Variants in NAV1 observed in about 807,000 individuals in gnomAD.
NAV1 encodes neuron navigator 1.
In NAV1, 18 loss-of-function variants were observed where a neutral mutation model predicts 175.2. The ratio of observed to expected loss-of-function variants is 0.10; its 90% confidence interval spans 0.07 to 0.15. The LOEUF is 0.15. NAV1 is among the 10% of genes least tolerant of loss of function. The pLI, the probability that NAV1 is intolerant of heterozygous loss-of-function variation, is 1.00. For missense variants in NAV1, 1,731 were observed against 2,436.6 expected (o/e 0.71, Z 6.10); for synonymous variants, 897 against 978.7 (o/e 0.92, Z 1.56).
intron 1 of NAV1, among the ~76,000 whole-genome samples, chr1:201,625,206 T>C (rs528464757): frequency 6.6e-6 from 1 of 152,236 alleles, no homozygotes; most frequent in African/African-American, 2.4e-5. Flanking sequence ...ACTGAAGAAG[T>C]TTGCTTTGGA....
intron 2 of NAV1, among the ~76,000 whole-genome samples, chr1:201,600,325 G>A (rs1333032422): frequency 6.6e-6 from 1 of 152,178 alleles, no homozygotes; most frequent in Admixed American, 6.5e-5. Flanking sequence ...ATCCTGCTCT[G>A]AACCAAAAGT....
At position 201,765,939 on chromosome 1, in the gene NAV1, A is replaced by C. The variant is rs187423932; in HGVS notation, c.1227-14482A>C. On this transcript the variant is annotated intron_variant, in intron 3 of 29. Transcript: ENST00000367296. Reference sequence around the variant, plus strand: ...TAGCTTCAGCATTTGAGAATTGAACAAATTAATCAGATAGTTCTGTGATTG... The same window carrying C: ...TAGCTTCAGCATTTGAGAATTGAACCAATTAATCAGATAGTTCTGTGATTG... Among the ~76,000 whole-genome samples, 684 of 152,358 alleles carry C rather than the reference A, an allele frequency of 4.5e-3. 6 individuals are homozygous for C. The highest frequency in any genetic ancestry group is 0.016 in the African/African-American group (648 of 41,588).
At chr1:201,621,854 A>G (rs1332907422), upstream of NAV1, among the ~76,000 whole-genome samples, 1 of 152,038 alleles carries the variant, frequency 6.6e-6, no homozygotes. Flanking sequence ...TTAACCTTTA[A>G]CTCTTTAATC....
At chr1:201,598,667 A>T (rs2102227471) in intron 2 of NAV1, among the ~76,000 whole-genome samples, 1 of 152,318 alleles carries the variant, frequency 6.6e-6, no homozygotes, top group East Asian at 1.9e-4. Context: ...CACTCTCCAA[A>T]CCTCAAGTTC....
rs775966353 is a variant in NAV1 at position 201,788,574 on chromosome 1, G to A, written c.3102G>A (p.Leu1034=). 6.2e-7 allele frequency: 1 copy of A among 1,614,130 alleles called. No homozygotes were observed. The highest frequency in any genetic ancestry group is 2.2e-5 in the East Asian group (1 of 44,890). Residue 1034 remains leucine (L), a synonymous_variant, in exon 10 of 30, where the codon CTG becomes CTA. Transcript: ENST00000367296. This position sits in a 1 kb window ranked among gnomAD's most constrained non-coding sequence, Gnocchi z 5.7. Reference sequence around the variant, plus strand: ...GCGGCTCCCAAATGGGGAGCACCCTGTCCCTGGCCGAGAGACCCAAGGGAA... The same window carrying A: ...GCGGCTCCCAAATGGGGAGCACCCTATCCCTGGCCGAGAGACCCAAGGGAA...
chr1:201,561,570 G>T (rs1666200726), intron 1 of NAV1, among the ~76,000 whole-genome samples: 1 of 152,170 alleles, frequency 6.6e-6, no homozygotes, highest in Non-Finnish European at 1.5e-5. Flanking sequence ...ATAAAAGTTA[G>T]TTTCCTTCAC....
chr1:201,648,637 C>T, exon 1 of NAV1: 2 of 1,300,776 alleles, frequency 1.5e-6, no homozygotes, highest in Non-Finnish European at 9.7e-7. Flanking sequence ...CCTGCAGACG[C>T]GCGGATCGTC....
intron 1 of NAV1, among the ~76,000 whole-genome samples, chr1:201,624,581 C>T (rs1213704046): frequency 4.6e-5 from 7 of 151,970 alleles, no homozygotes; most frequent in African/African-American, 1.4e-4. Context: ...CTCCTGACCT[C>T]GTGATCCGCC....
rs183141313 is a variant in NAV1 at position 201,720,546 on chromosome 1, G to A, written c.1226+1791G>A. On this transcript the variant is annotated intron_variant, in intron 3 of 29. Transcript: ENST00000367296. ...ACCCCAAGTGTTGCAAGGTACAGGA[G>A]CCCTGCTTGGAGACGTCGCAGTCTG... Among the ~76,000 whole-genome samples, 740 of 152,344 alleles carry A rather than the reference G, an allele frequency of 4.9e-3. 7 individuals carry two copies. The highest frequency in any genetic ancestry group is 0.017 in the African/African-American group (690 of 41,574).
At chr1:201,791,294 T>A (rs1262032559) in intron 13 of NAV1, 1 of 154,700 alleles carries the variant, frequency 6.5e-6, no homozygotes, top group Non-Finnish European at 1.4e-5. Flanking sequence ...AACTGCCTTT[T>A]CTGAGCAGTC....
intron 3 of NAV1, among the ~76,000 whole-genome samples, chr1:201,755,448 G>C (rs1674395468): frequency 6.6e-6 from 1 of 151,790 alleles, no homozygotes; most frequent in Admixed American, 6.5e-5. Context: ...AGAAGAAGAG[G>C]AGGAGGAGGA....
chr1:201,736,578 G>C (rs998932659), intron 3 of NAV1, among the ~76,000 whole-genome samples: 1 of 152,154 alleles, frequency 6.6e-6, no homozygotes, highest in African/African-American at 2.4e-5. Flanking sequence ...GGTGTGGGAA[G>C]GAAGAGAGAA....
chr1:201,619,487 G>T (rs72739963), upstream of NAV1, among the ~76,000 whole-genome samples: 1,752 of 152,374 alleles, frequency 0.011, 12 homozygotes, highest in Non-Finnish European at 0.02. Context: ...GATGGTCTAG[G>T]GTGCATAATT....
At chr1:201,715,890 TC>T (rs1270074974) in intron 2 of NAV1, among the ~76,000 whole-genome samples, 2 of 152,072 alleles carry the variant, frequency 1.3e-5, no homozygotes, top group Non-Finnish European at 2.9e-5. Context: ...AACTGTGTCC[TC>T]CCCAGAGAAA....
chr1:201,741,458 A>G (rs1673417288), intron 3 of NAV1, among the ~76,000 whole-genome samples: 1 of 152,156 alleles, frequency 6.6e-6, no homozygotes, highest in African/African-American at 2.4e-5. Context: ...ACTTCAGGTG[A>G]GATCCTGGGC....
At chr1:201,672,299 T>C (rs1670072002) in intron 1 of NAV1, among the ~76,000 whole-genome samples, 1 of 152,124 alleles carries the variant, frequency 6.6e-6, no homozygotes, top group South Asian at 2.1e-4. Context: ...TGTGGTCTAA[T>C]TTTTTTTCAA....
chr1:201,783,982 T>G, intron 7 of NAV1, 130 bp downstream of exon 11: 1 of 788,402 alleles, frequency 1.3e-6, no homozygotes, highest in South Asian at 2.1e-5. Context: ...ATTAAGTAAT[T>G]TAATTTGCTT....
At chr1:201,764,159 G>A (rs1179431027) in intron 3 of NAV1, among the ~76,000 whole-genome samples, 1 of 152,198 alleles carries the variant, frequency 6.6e-6, no homozygotes, top group Admixed American at 6.5e-5. Context: ...GAATCATAGA[G>A]GTGGTCAATA....
chr1:201,684,216 T>C (rs688122), intron 1 of NAV1, among the ~76,000 whole-genome samples: 129,560 of 152,044 alleles, frequency 0.85, 55,264 homozygotes, highest in East Asian at 0.93. Flanking sequence ...CCAAGGAATC[T>C]TAGTTCCTTT....
Sources: gnomAD v4.1 joint callset for allele counts (sites outside exome capture counted in the v4.1 genomes callset) on GRCh38, gnomAD v4.1.1 for gene constraint, Gnocchi (gnomAD v3.1) non-coding constraint, MANE v1.5 for transcripts, NCBI Gene and HGNC (gene_info 2026-07-23, HGNC 2026-07-21) for gene names.